EPM2A: variants seen among roughly 807,000 people sequenced by gnomAD.
EPM2A encodes EPM2A glucan phosphatase, laforin.
In EPM2A, 21 loss-of-function variants were observed where a neutral mutation model predicts 26.5. The observed-to-expected ratio is 0.79, with a 90% CI of 0.56 to 1.14. The LOEUF (loss-of-function observed/expected upper bound fraction) is 1.14. Ranked by LOEUF, EPM2A falls within the 50% of genes most tolerant of loss-of-function variation. The pLI is 0.00. For missense variants in EPM2A, 458 were observed against 440.8 expected (o/e 1.04, Z -0.35); for synonymous variants, 217 against 177.6 (o/e 1.22, Z -1.76).
At chr6:145,593,831 C>T (rs79476226) in intron 2 of EPM2A, among the ~76,000 whole-genome samples, 2,457 of 151,730 alleles carry the variant, frequency 0.016, 56 homozygotes, top group African/African-American at 0.055. Context: ...ACCTAAAATA[C>T]GTAATCTAAA....
At chr6:145,727,745 A>ACTC (rs1776283739) in intron 1 of EPM2A, among the ~76,000 whole-genome samples, 1 of 152,216 alleles carries the variant, frequency 6.6e-6, no homozygotes, top group Admixed American at 6.5e-5. Flanking sequence ...CTGCCTACCT[A>ACTC]AAATCTACTC....
intron 4 of EPM2A, among the ~76,000 whole-genome samples, chr6:145,458,431 A>G (rs570144745): frequency 6.6e-6 from 1 of 152,276 alleles, no homozygotes; most frequent in Admixed American, 6.5e-5. Context: ...TTTTGGTTCT[A>G]TTCCTACGCT....
chr6:145,406,022 GAC>G (rs1230351685), intron 4 of EPM2A, among the ~76,000 whole-genome samples: 10 of 135,010 alleles, frequency 7.4e-5, no homozygotes, highest in Middle Eastern at 3.6e-3. Context: ...ACAACAGACA[GAC>G]ACACACACAC....
chr6:145,570,264 C>T (rs1033609327), intron 2 of EPM2A, among the ~76,000 whole-genome samples: 1 of 152,140 alleles, frequency 6.6e-6, no homozygotes, highest in Admixed American at 6.6e-5. Flanking sequence ...AAGTCCAACC[C>T]TTGTCAACTT....
chr6:145,627,123 C>T lies in EPM2A; in HGVS notation c.*293G>A, dbSNP rs1775866255. On this transcript the variant is annotated 3_prime_UTR_variant, in exon 4 of 4. Transcript: ENST00000367519. ...ACATACAGTGCTGTAAAGCAAAGGC[C>T]TCGTCTGCCTGCAGGCAGCAGGAAC... The T allele has an allele frequency of 4.6e-6, 6 of 1,316,232 alleles. No homozygotes were observed. The highest frequency in any genetic ancestry group is 3.0e-5 in the African/African-American group (2 of 67,262). The allele number at this position is 1,316,232 out of a possible 1,614,324, so 81.5% of individuals were successfully genotyped here.
At chr6:145,449,951 T>C (rs946139186) in intron 4 of EPM2A, among the ~76,000 whole-genome samples, 2 of 152,044 alleles carry the variant, frequency 1.3e-5, no homozygotes, top group African/African-American at 2.4e-5. Flanking sequence ...CTCAATTCCA[T>C]AGTAATAAAG....
chr6:145,390,038 G>A (rs1034253066), intron 4 of EPM2A, among the ~76,000 whole-genome samples: 1 of 152,208 alleles, frequency 6.6e-6, no homozygotes, highest in Non-Finnish European at 1.5e-5. Flanking sequence ...AACAGACAGA[G>A]AGAGACACAG....
downstream of EPM2A, among the ~76,000 whole-genome samples, chr6:145,499,160 A>T (rs947395414): frequency 1.3e-5 from 2 of 152,198 alleles, no homozygotes; most frequent in African/African-American, 4.8e-5. Context: ...AAAATGTATA[A>T]TGCTCTCACT....
intron 2 of EPM2A, chr6:145,636,124 A>T (rs1315097280): frequency 1.3e-5 from 2 of 152,296 alleles, no homozygotes; most frequent in Non-Finnish European, 2.9e-5. Context: ...TATTATAGAA[A>T]AAAATAATGA....
chr6:145,716,610 C>A (rs1188649507), intron 1 of EPM2A, among the ~76,000 whole-genome samples: 2 of 152,122 alleles, frequency 1.3e-5, no homozygotes, highest in Non-Finnish European at 2.9e-5. Context: ...CAGCCTCCTG[C>A]AGCTGCCATT....
intron 1 of EPM2A, among the ~76,000 whole-genome samples, chr6:145,710,649 C>A (rs1775261972): frequency 6.6e-6 from 1 of 152,138 alleles, no homozygotes; most frequent in Admixed American, 6.6e-5. Flanking sequence ...ATAAATCATG[C>A]TGCTATAAAG....
At chr6:145,621,711 T>G (rs1279949849), downstream of EPM2A, among the ~76,000 whole-genome samples, 1 of 152,162 alleles carries the variant, frequency 6.6e-6, no homozygotes, top group Non-Finnish European at 1.5e-5. Flanking sequence ...GAGCACCTTT[T>G]CATATACCTC....
intron 2 of EPM2A, among the ~76,000 whole-genome samples, chr6:145,544,466 A>G (rs1345078725): frequency 6.6e-6 from 1 of 152,222 alleles, no homozygotes; most frequent in Non-Finnish European, 1.5e-5. Flanking sequence ...ATAGCCAGCA[A>G]TCAGAATTAC....
chr6:145,445,750 G>A (rs1254176332), intron 4 of EPM2A, among the ~76,000 whole-genome samples: 2 of 152,054 alleles, frequency 1.3e-5, no homozygotes, highest in African/African-American at 4.8e-5. Context: ...TATAATCATA[G>A]TTATAAAAAG....
intron 2 of EPM2A, among the ~76,000 whole-genome samples, chr6:145,647,677 CAGGA>C (rs1562439990): frequency 6.9e-6 from 1 of 144,826 alleles, no homozygotes; most frequent in African/African-American, 2.6e-5. Context: ...GGAAGGAAGG[CAGGA>C]AGGAAGGAAG....
rs534293661 is a variant in EPM2A at position 145,603,823 on chromosome 6, C to A, written c.340+31422G>T. Among the ~76,000 whole-genome samples, 37 of 152,236 alleles carry A rather than the reference C, an allele frequency of 2.4e-4. No homozygotes were observed. The South Asian group carries it at 7.2e-3, about 30-fold the overall frequency. On this transcript the variant is annotated intron_variant, in intron 2 of 3. Coordinates refer to the EPM2A transcript ENST00000450221. ...TATGCCATTAACTGGAAATTAGTAT[C>A]TCTGCCATGAATCCCAAATGGCTTA...
At chr6:145,710,424 C>T (rs1334020674) in intron 1 of EPM2A, among the ~76,000 whole-genome samples, 1 of 152,156 alleles carries the variant, frequency 6.6e-6, no homozygotes, top group Non-Finnish European at 1.5e-5. Flanking sequence ...CAATTAGATA[C>T]CATCTCACAC....
At chr6:145,612,653 C>A (rs1044206421) in intron 2 of EPM2A, among the ~76,000 whole-genome samples, 2 of 149,812 alleles carry the variant, frequency 1.3e-5, no homozygotes, top group Non-Finnish European at 3.0e-5. Flanking sequence ...TTTTTCATTT[C>A]TCAATGCTTA....
At position 145,627,691 on chromosome 6, in the gene EPM2A, G is replaced by C. The variant is rs104893950; in HGVS notation, c.721C>G (p.Arg241Gly). The stretch of plus-strand genomic sequence containing the variant: ...ACCGCCTGGGGCAGCATCTGTACTC[G>C]GCCTGCGGTGGGGAAAGCACAGCAC... ...MPTPDMSTEG[R>G]VQMLPQAVCL... Residue 241 changes from arginine to glycine, a missense_variant and splice_region_variant, in exon 4 of 4, where the codon CGA (arginine) becomes GGA (glycine). Transcript: ENST00000367519. 3 of 1,613,824 alleles carry C rather than the reference G, an allele frequency of 1.9e-6. No individual in the cohort carries two copies. The highest frequency in any genetic ancestry group is 2.5e-6 in the Non-Finnish European group (3 of 1,180,022).
Sources: allele counts gnomAD v4.1 joint callset (sites outside exome capture counted in the v4.1 genomes callset), GRCh38; gene constraint gnomAD v4.1.1; transcripts MANE v1.5; gene names NCBI Gene and HGNC (gene_info 2026-07-23, HGNC 2026-07-21).